MSN: variants seen among roughly 807,000 people sequenced by gnomAD.
MSN encodes the protein epididymis luminal protein 70.
MSN carries 2 observed loss-of-function variants against 48.0 expected under a neutral mutation model. That is an observed-to-expected ratio of 0.04 (90% CI 0.02 to 0.13). MSN has a LOEUF of 0.13. MSN is among the 10% of genes least tolerant of loss of function. The pLI, the probability that MSN is intolerant of heterozygous loss-of-function variation, is 1.00. For synonymous variants in MSN, 146 were observed against 166.9 expected, an observed-to-expected ratio of 0.87 and a Z score of 0.97; for missense variants, 267 against 470.1, an observed-to-expected ratio of 0.57 and a Z score of 3.99.
chrX:65,684,439 T>C (rs185934815), intron 1 of MSN, among the ~76,000 whole-genome samples: 198 of 110,144 alleles, frequency 1.8e-3, no homozygotes, highest in African/African-American at 6.2e-3. Context: ...AAAATCTTTT[T>C]TTTCTTTTTT....
rs749802817 is a variant in MSN, at chrX:65,667,809, A to AAAGTT, written c.-32_-31insAGTTA. On this transcript the variant is annotated 5_prime_UTR_variant, in exon 1 of 13. Coordinates refer to ENST00000360270, the MANE Select transcript of MSN (RefSeq NM_002444.3). ...CAGCACTGCCCGACAGTCCTAGCTA[A>AAAGTT]ACTTCGCCAACTCCGCTGCCTTTGC... 8.3e-7 allele frequency: 1 copy of AAAGTT among 1,210,035 alleles called. No homozygotes were observed. Among genetic ancestry groups the AAAGTT allele is most frequent in the South Asian group, 1.8e-5 (1 of 56,765 alleles).
At chrX:65,637,855 C>T (rs955494183) in intron 1 of MSN, among the ~76,000 whole-genome samples, 1 of 111,307 alleles carries the variant, frequency 9.0e-6, no homozygotes, top group Non-Finnish European at 1.9e-5. Flanking sequence ...GTGAGGCATT[C>T]GCTGACCTTT....
At position 65,695,248 on chromosome X, in the gene MSN, C is replaced by G. The variant is rs182967879; in HGVS notation, c.13-21570C>G. ...GGGCGTGTTGGCTCACGCCTGTAAT[C>G]CCAGCACTTTGGGAGGCTGAGGTGG... On this transcript the variant is annotated intron_variant, in intron 1 of 12. Transcript: ENST00000360270. 4.3e-3 allele frequency among the ~76,000 whole-genome samples: 480 copies of G among 110,663 alleles called. 1 individual carries two copies. The highest frequency in any genetic ancestry group is 0.015 in the African/African-American group (456 of 30,371).
chrX:65,656,265 CTGTGTGTGTGTGTGTGTGTGTG>C, intron 1 of MSN, among the ~76,000 whole-genome samples: 1 of 92,842 alleles, frequency 1.1e-5, no homozygotes, highest in South Asian at 5.3e-4. Context: ...AGATCTATGC[CTGTGTGTGTGTGTGTGTGTGTG>C]TGTGTGTGTG....
rs113581510 is a variant in MSN, at chrX:65,632,717, G to A, written c.-22+44105G>A. ...TATAGTACCTACCTCAGTGGGACTC[G>A]TGAAGGTTCACGTGTATAAAGTGTC... On this transcript the variant is annotated intron_variant, in intron 1 of 3. Coordinates refer to the MSN transcript ENST00000609672. Among the ~76,000 whole-genome samples, 712 of 111,620 alleles carry A rather than the reference G, an allele frequency of 6.4e-3. 7 individuals carry two copies. The highest frequency in any genetic ancestry group is 0.022 in the African/African-American group (672 of 30,702).
chrX:65,666,166 C>A (rs1488722734), upstream of MSN, among the ~76,000 whole-genome samples: 1 of 108,455 alleles, frequency 9.2e-6, no homozygotes, highest in Non-Finnish European at 1.9e-5. Context: ...TCACACCCGG[C>A]TAATTTTTTT....
chrX:65,679,323 C>T (rs1253416113), intron 1 of MSN, among the ~76,000 whole-genome samples: 1 of 112,118 alleles, frequency 8.9e-6, no homozygotes, highest in African/African-American at 3.2e-5. Context: ...CCCACAACAT[C>T]CCTTTTTGTA....
At chrX:65,590,117 G>C (rs1310915992) in intron 1 of MSN, among the ~76,000 whole-genome samples, 1 of 110,883 alleles carries the variant, frequency 9.0e-6, no homozygotes, top group Non-Finnish European at 1.9e-5. Flanking sequence ...GGCCGGCCAA[G>C]AGTTTTTCTT....
intron 1 of MSN, among the ~76,000 whole-genome samples, chrX:65,707,691 G>A (rs1466216092): frequency 1.8e-5 from 2 of 112,345 alleles, no homozygotes; most frequent in Non-Finnish European, 1.9e-5. Flanking sequence ...TCTCTTTAGG[G>A]AGAGAGCAGC....
chrX:65,636,747 C>CAAAAAAA (rs1219240320), intron 1 of MSN, among the ~76,000 whole-genome samples: 1 of 6,335 alleles, frequency 1.6e-4, no homozygotes, highest in African/African-American at 3.7e-4. Context: ...AACTCCATCT[C>CAAAAAAA]AAAAAAAAAA....
intron 1 of MSN, among the ~76,000 whole-genome samples, chrX:65,696,632 C>T (rs2071244361): frequency 1.8e-5 from 2 of 110,974 alleles, no homozygotes; most frequent in South Asian, 7.6e-4. Flanking sequence ...TAGGTTCATG[C>T]TCGCTCACCT....
chrX:65,652,637 C>T (rs143064682), intron 1 of MSN, among the ~76,000 whole-genome samples: 1 of 111,390 alleles, frequency 9.0e-6, no homozygotes, highest in East Asian at 2.8e-4. Flanking sequence ...TCAGATGTCC[C>T]CCAAAGCAAC....
intron 1 of MSN, among the ~76,000 whole-genome samples, chrX:65,637,496 C>G (rs1281175551): frequency 3.6e-5 from 4 of 110,854 alleles, no homozygotes; most frequent in African/African-American, 1.3e-4. Flanking sequence ...ACCTTCCCAC[C>G]TCTCTGACTT....
At chrX:65,718,175 T>C (rs6624812) in intron 2 of MSN, among the ~76,000 whole-genome samples, 19,554 of 110,612 alleles carry the variant, frequency 0.18, 4,240 homozygotes, top group African/African-American at 0.61. Flanking sequence ...TGAATTAGTA[T>C]GGGCATGTTT....
At chrX:65,663,798 C>A (rs1404227294), upstream of MSN, among the ~76,000 whole-genome samples, 2 of 110,702 alleles carry the variant, frequency 1.8e-5, no homozygotes, top group Non-Finnish European at 3.8e-5. Flanking sequence ...GTGACTCATG[C>A]CTATAATCCC....
At chrX:65,674,845 ACT>A (rs2070981183) in intron 1 of MSN, among the ~76,000 whole-genome samples, 1 of 111,474 alleles carries the variant, frequency 9.0e-6, no homozygotes, top group Non-Finnish European at 1.9e-5. Context: ...TGAAAAACAG[ACT>A]CTGGAACTAG....
intron 1 of MSN, among the ~76,000 whole-genome samples, chrX:65,617,243 C>T (rs2070382971): frequency 9.1e-6 from 1 of 109,454 alleles, no homozygotes; most frequent in African/African-American, 3.5e-5. Flanking sequence ...GGGAGGATTC[C>T]CTCTTTTTCT....
chrX:65,714,119 A>T (rs1296933251), intron 1 of MSN, among the ~76,000 whole-genome samples: 1 of 111,714 alleles, frequency 9.0e-6, no homozygotes, highest in Non-Finnish European at 1.9e-5. Context: ...TTTGCTAAGG[A>T]TAATGACCTC....
At chrX:65,659,325 T>A (rs2148378651) in intron 1 of MSN, among the ~76,000 whole-genome samples, 1 of 110,860 alleles carries the variant, frequency 9.0e-6, no homozygotes, top group African/African-American at 3.3e-5. Context: ...AGCTAATTTT[T>A]TGTATTTTTA....
Sources: gnomAD v4.1 joint callset for allele counts (sites outside exome capture counted in the v4.1 genomes callset) on GRCh38, gnomAD v4.1.1 for gene constraint, MANE v1.5 for transcripts, NCBI Gene and HGNC (gene_info 2026-07-23, HGNC 2026-07-21) for gene names.